Variants in TM9SF4 observed in about 807,000 individuals in gnomAD.
The protein encoded by TM9SF4 is dinucleotide oxidase disulfide thiol exchanger 3 superfamily member 4.
In TM9SF4, 26 loss-of-function variants were observed where a neutral mutation model predicts 90.4. That is an observed-to-expected ratio of 0.29 (90% CI 0.21 to 0.40). The LOEUF (loss-of-function observed/expected upper bound fraction) is 0.40. TM9SF4 is among the 10% of genes least tolerant of loss of function. TM9SF4 has a pLI of 1.00. For synonymous variants in TM9SF4, 293 were observed against 315.4 expected, an observed-to-expected ratio of 0.93 and a Z score of 0.75; for missense variants, 549 against 834.8, an observed-to-expected ratio of 0.66 and a Z score of 4.22.
chr20:32,135,005 G>A (rs2046575058), intron 2 of TM9SF4, among the ~76,000 whole-genome samples: 1 of 152,124 alleles, frequency 6.6e-6, no homozygotes, highest in Non-Finnish European at 1.5e-5. Context: ...TTGTAGACCT[G>A]TATTCCAAAA....
Position 32,141,657 on chromosome 20 carries a change from C to T in TM9SF4, c.390C>T (p.Tyr130=), listed in dbSNP as rs528148614. Residue 130 remains tyrosine, a synonymous_variant, in exon 4 of 18, where the codon TAC becomes TAT. Coordinates refer to ENST00000398022, the MANE Select transcript of TM9SF4 (RefSeq NM_014742.4). The part of the protein sequence containing the change: ...LVAERITEDY[Y]VHLIADNLPV... Reference sequence around the variant, plus strand: ...CCGAGCGGATCACAGAAGACTACTACGTCCACCTGTAAGTCGCCCTGTGCT... The same window carrying T: ...CCGAGCGGATCACAGAAGACTACTATGTCCACCTGTAAGTCGCCCTGTGCT... The T allele has an allele frequency of 6.8e-6, 11 of 1,614,102 alleles. No homozygotes were observed. Among genetic ancestry groups the T allele is most frequent in the South Asian group, 3.3e-5 (3 of 91,076 alleles).
chr20:32,109,763 A>T lies in TM9SF4; in HGVS notation c.15+8A>T, dbSNP rs1465498492. The stretch of plus-strand genomic sequence containing the variant: ...AAGATGGCGACGGCGATGGTGAGTG[A>T]AGGAGACTCCGGGAGCGGGAGCTGG... On this transcript the variant is annotated splice_region_variant and intron_variant, in intron 1 of 17. Coordinates refer to ENST00000398022, the MANE Select transcript of TM9SF4 (RefSeq NM_014742.4). The T allele has an allele frequency of 6.4e-7, 1 of 1,551,584 alleles. No individual in the cohort carries two copies. Among genetic ancestry groups the T allele is most frequent in the South Asian group, 1.2e-5 (1 of 84,060 alleles).
chr20:32,143,054 A>G lies in TM9SF4; in HGVS notation c.601A>G (p.Thr201Ala). 6.2e-7 allele frequency: 1 copy of G among 1,613,992 alleles called. No homozygotes were observed. Among genetic ancestry groups the G allele is most frequent in the Non-Finnish European group, 8.5e-7 (1 of 1,179,908 alleles). Reference protein sequence around the residue: ...REDMEEDQEHTYRVVRFEVIP... With the variant: ...REDMEEDQEHAYRVVRFEVIP... ...GGACATGGAAGAGGACCAGGAGCAC[A>G]CGTACCGTGTCGTCCGCTTCGAGGT... The change falls in exon 6 of 18, where the codon ACG (threonine) becomes GCG (alanine). Residue 201 changes from threonine (T) to alanine (A), a missense_variant. Thr to Ala is a moderately conservative substitution (Grantham distance 58). This residue lies in a region of TM9SF4 where 495 missense variants were observed against 711.7 expected (regional missense o/e 0.70). Transcript: ENST00000398022.
intron 1 of TM9SF4, among the ~76,000 whole-genome samples, chr20:32,111,557 A>T (rs2046143038): frequency 6.6e-6 from 1 of 152,138 alleles, no homozygotes; most frequent in African/African-American, 2.4e-5. Context: ...GTTTGAGGAG[A>T]CAGGCAGTGA....
At chr20:32,126,734 CTTTTTTT>C (rs72250081) in intron 1 of TM9SF4, among the ~76,000 whole-genome samples, 14,997 of 128,326 alleles carry the variant, frequency 0.12, 1,547 homozygotes, top group African/African-American at 0.3. Context: ...GAACTAATTT[CTTTTTTT>C]TTTTTTTTCC....
intron 3 of TM9SF4, chr20:32,136,783 C>T (rs1262986537): frequency 2.2e-6 from 1 of 462,652 alleles, no homozygotes; most frequent in Non-Finnish European, 4.5e-6. Context: ...TTAGTGCCTC[C>T]TCTGTGACTG....
At position 32,132,482 on chromosome 20, in the gene TM9SF4, G is replaced by C. The variant is rs377452332; in HGVS notation, c.16-531G>C. On this transcript the variant is annotated intron_variant, in intron 1 of 17. Coordinates refer to ENST00000398022, the MANE Select transcript of TM9SF4 (RefSeq NM_014742.4). ...GCACAGTAAAGACGAAGGCCCTGAG[G>C]GGTGCAGAAAGGTTTGTTGTCAGGA... Among the ~76,000 whole-genome samples the C allele has an allele frequency of 1.5e-4, 23 of 152,308 alleles. No homozygotes were observed. In the South Asian group the frequency reaches 4.6e-3, roughly 30 times the overall value.
chr20:32,164,602 G>C (rs1353919586), intron 17 of TM9SF4, among the ~76,000 whole-genome samples: 1 of 152,162 alleles, frequency 6.6e-6, no homozygotes, highest in Non-Finnish European at 1.5e-5. Flanking sequence ...TTCAAATGGT[G>C]ACCTATTTTG....
intron 3 of TM9SF4, among the ~76,000 whole-genome samples, chr20:32,136,595 C>T (rs2046597486): frequency 6.6e-6 from 1 of 152,184 alleles, no homozygotes; most frequent in African/African-American, 2.4e-5. Context: ...TGAATGCAAG[C>T]AGAGATGCCA....
At chr20:32,158,537 C>T (rs1440825524) in intron 15 of TM9SF4, 23 bp downstream of exon 15, 23 of 1,613,090 alleles carry the variant, frequency 1.4e-5, no homozygotes, top group Non-Finnish European at 1.9e-5. Context: ...GCCTCCCCCA[C>T]CCCTCCACCC....
At chr20:32,141,715 A>G (rs1314736563) in intron 4 of TM9SF4, 50 bp downstream of exon 4, 2 of 1,613,356 alleles carry the variant, frequency 1.2e-6, no homozygotes, top group South Asian at 2.2e-5. Flanking sequence ...AGGGGAGGAC[A>G]CTGACGGGAG....
intron 3 of TM9SF4, among the ~76,000 whole-genome samples, chr20:32,140,242 A>G (rs1034444458): frequency 4.6e-5 from 7 of 152,230 alleles, no homozygotes; most frequent in Non-Finnish European, 8.8e-5. Context: ...TGAAAGCACC[A>G]TGGGGTTTGC....
Position 32,165,867 on chromosome 20 carries a change from T to C in TM9SF4, c.*423T>C. 5.6e-6 allele frequency: 1 copy of C among 178,340 alleles called. No individual in the cohort carries two copies. The highest frequency in any genetic ancestry group is 1.2e-5 in the Non-Finnish European group (1 of 82,986). 11.0% of individuals were successfully genotyped at this position (178,340 alleles called of 1,614,324 possible). On this transcript the variant is annotated 3_prime_UTR_variant, in exon 18 of 18. Coordinates refer to ENST00000398022, the MANE Select transcript of TM9SF4 (RefSeq NM_014742.4). ...TCAGGGCTGTTGGCCACCCTATGAC[T>C]AACTGGAAGAGGACACGCCAGAGCT...
chr20:32,144,779 G>A lies in TM9SF4; in HGVS notation c.653-312G>A, dbSNP rs541173715. 3.9e-5 allele frequency among the ~76,000 whole-genome samples: 6 copies of A among 152,222 alleles called. 1 individual carries two copies. The East Asian group carries it at 1.2e-3, about 29-fold the overall frequency. On this transcript the variant is annotated intron_variant, in intron 6 of 17. Transcript: ENST00000398022. The stretch of plus-strand genomic sequence containing the variant: ...TGTCTTAAAATTAGCCAGGTGTGGT[G>A]ACACACACCTGTAGTCCCAGCTACT...
chr20:32,161,663 T>A (rs1460247374), intron 17 of TM9SF4, among the ~76,000 whole-genome samples: 1 of 152,228 alleles, frequency 6.6e-6, no homozygotes, highest in Non-Finnish European at 1.5e-5. Flanking sequence ...ATATGTCACC[T>A]GCAGTGCTCT....
chr20:32,126,734 C>CTT (rs72250081), intron 1 of TM9SF4, among the ~76,000 whole-genome samples: 3 of 128,306 alleles, frequency 2.3e-5, no homozygotes, highest in Non-Finnish European at 3.3e-5. Context: ...GAACTAATTT[C>CTT]TTTTTTTTTT....
chr20:32,121,530 G>T (rs1276501042), intron 1 of TM9SF4, among the ~76,000 whole-genome samples: 1 of 151,798 alleles, frequency 6.6e-6, no homozygotes, highest in Non-Finnish European at 1.5e-5. Flanking sequence ...TAAGGTCACA[G>T]ATCAACAGGA....
intron 12 of TM9SF4, 147 bp from the exon 13 acceptor site, chr20:32,154,956 G>C (rs1487743422): frequency 3.0e-6 from 2 of 674,536 alleles, no homozygotes; most frequent in East Asian, 5.1e-5. Flanking sequence ...CAGTCTGAGG[G>C]TCAGGGAATA....
intron 14 of TM9SF4, among the ~76,000 whole-genome samples, 165 bp downstream of exon 14, chr20:32,158,134 C>T (rs908951984): frequency 2.0e-5 from 3 of 152,096 alleles, no homozygotes; most frequent in Admixed American, 2.0e-4. Context: ...AGGTTGTAGG[C>T]AGACTTGGTG....
Sources: gnomAD v4.1 joint callset for allele counts (sites outside exome capture counted in the v4.1 genomes callset) on GRCh38, gnomAD v4.1.1 for gene constraint, gnomAD v4.1.1 regional missense constraint, MANE v1.5 for transcripts, NCBI Gene and HGNC (gene_info 2026-07-23, HGNC 2026-07-21) for gene names.